Variants in PCDH17 observed in about 807,000 individuals in gnomAD.
PCDH17 encodes the protein protocadherin-17.
PCDH17 carries 21 observed loss-of-function variants against 67.7 expected under a neutral mutation model. That is an observed-to-expected ratio of 0.31 (90% CI 0.22 to 0.45). PCDH17 has a LOEUF of 0.45. Ranked by LOEUF, PCDH17 falls within the 20% of genes least tolerant of loss-of-function variation. The pLI, the probability that PCDH17 is intolerant of heterozygous loss-of-function variation, is 1.00. For missense variants in PCDH17, 1,471 were observed against 1,564.8 expected, an observed-to-expected ratio of 0.94 and a Z score of 1.01; for synonymous variants, 701 against 656.7, an observed-to-expected ratio of 1.07 and a Z score of -1.03.
chr13:57,643,798 C>T (rs1900390), intron 1 of PCDH17, among the ~76,000 whole-genome samples: 1 of 151,570 alleles, frequency 6.6e-6, no homozygotes, highest in Non-Finnish European at 1.5e-5. Flanking sequence ...TTTGTGTGAC[C>T]TTGTGTTATA....
intron 3 of PCDH17, among the ~76,000 whole-genome samples, chr13:57,668,362 T>C (rs986214372): frequency 6.6e-6 from 1 of 152,058 alleles, no homozygotes; most frequent in African/African-American, 2.4e-5. Flanking sequence ...ATGCCTAAAG[T>C]AAGTGAAGAG....
At chr13:57,704,279 T>C (rs894990810) in intron 3 of PCDH17, among the ~76,000 whole-genome samples, 1 of 152,114 alleles carries the variant, frequency 6.6e-6, no homozygotes, top group African/African-American at 2.4e-5. Context: ...TAATGATGAT[T>C]ACATGGCTTA....
intron 1 of PCDH17, among the ~76,000 whole-genome samples, chr13:57,648,734 C>T (rs1954998670): frequency 6.6e-6 from 1 of 151,738 alleles, no homozygotes; most frequent in Non-Finnish European, 1.5e-5. Context: ...TTCATATTAC[C>T]TTAGAGTTAT....
chr13:57,722,009 T>C (rs967918242), intron 3 of PCDH17, among the ~76,000 whole-genome samples: 1 of 152,208 alleles, frequency 6.6e-6, no homozygotes, highest in Non-Finnish European at 1.5e-5. Context: ...TTTTCTTCAC[T>C]GACTGTGAAC....
chr13:57,711,313 G>A (rs1230298104), intron 3 of PCDH17, among the ~76,000 whole-genome samples: 3 of 151,874 alleles, frequency 2.0e-5, no homozygotes, highest in Admixed American at 6.6e-5. Flanking sequence ...TTACCAACAA[G>A]AAACACAGAG....
chr13:57,681,385 T>C (rs922460074), intron 3 of PCDH17, among the ~76,000 whole-genome samples: 1 of 151,856 alleles, frequency 6.6e-6, no homozygotes, highest in Non-Finnish European at 1.5e-5. Context: ...GCACCACCTA[T>C]AGTCATATGA....
rs1444964074 is a variant in PCDH17 at position 57,633,612 on chromosome 13, G to C, written c.1066G>C (p.Val356Leu). ...DNAPSIGFVS[V>L]RQGALSEAAP... ...TGCGCCGTCCATCGGTTTCGTCTCC[G>C]TGCGCCAGGGGGCGCTGAGCGAGGC... is the stretch of plus-strand genomic sequence containing the variant. The change falls in exon 1 of 4, where the codon GTG (valine) becomes CTG (leucine). Residue 356 changes from valine (V) to leucine (L), a missense_variant. By Grantham distance (32) the Val-to-Leu change is conservative. Coordinates refer to ENST00000377918, the MANE Select transcript of PCDH17 (RefSeq NM_001040429.3). The surrounding 1 kb of genome is among the most constrained non-coding windows in gnomAD (Gnocchi z 6.2). 2.5e-6 allele frequency: 4 copies of C among 1,611,814 alleles called. No homozygotes were observed. The highest frequency in any genetic ancestry group is 3.4e-6 in the Non-Finnish European group (4 of 1,180,030).
chr13:57,717,167 G>A (rs974268145), intron 3 of PCDH17, among the ~76,000 whole-genome samples: 1 of 152,002 alleles, frequency 6.6e-6, no homozygotes, highest in African/African-American at 2.4e-5. Context: ...AGCATCTGCC[G>A]CTGCCCCAGG....
At chr13:57,690,681 A>T (rs1228712232) in intron 3 of PCDH17, among the ~76,000 whole-genome samples, 1 of 151,684 alleles carries the variant, frequency 6.6e-6, no homozygotes, top group African/African-American at 2.4e-5. Context: ...TGATGAAAGA[A>T]TACAACTTCT....
chr13:57,698,977 T>C (rs2138072610), intron 3 of PCDH17, among the ~76,000 whole-genome samples: 1 of 152,162 alleles, frequency 6.6e-6, no homozygotes, highest in Non-Finnish European at 1.5e-5. Flanking sequence ...TCAGCCACTC[T>C]GATTCAGTTA....
intron 3 of PCDH17, among the ~76,000 whole-genome samples, chr13:57,678,001 T>A (rs1955411552): frequency 6.6e-6 from 1 of 151,764 alleles, no homozygotes; most frequent in African/African-American, 2.4e-5. Context: ...GCATGGTGAC[T>A]ATGGTTAAAG....
At chr13:57,702,104 G>A (rs975243181) in intron 3 of PCDH17, among the ~76,000 whole-genome samples, 9 of 151,914 alleles carry the variant, frequency 5.9e-5, no homozygotes. Flanking sequence ...TTTTAGTAGA[G>A]ACGGGGTTTC....
chr13:57,717,267 A>G (rs895356086), intron 3 of PCDH17, among the ~76,000 whole-genome samples: 1 of 151,896 alleles, frequency 6.6e-6, no homozygotes, highest in Non-Finnish European at 1.5e-5. Flanking sequence ...GACACAAATG[A>G]TATTTGTGCC....
In PCDH17 at chr13:57,633,263, C is replaced by A; in HGVS notation, c.717C>A (p.Asn239Lys). 1 of 1,613,396 alleles carries A rather than the reference C, an allele frequency of 6.2e-7. No homozygotes were observed. Among genetic ancestry groups the A allele is most frequent in the Non-Finnish European group, 8.5e-7 (1 of 1,180,028 alleles). ...TGAAGGTGATTGACTCCAACGACAA[C>A]AGCCCGGTCTTCGAGGCGCCATCCT... Reference protein sequence around the residue: ...INVKVIDSNDNSPVFEAPSYL... With the variant: ...INVKVIDSNDKSPVFEAPSYL... Residue 239 changes from asparagine (N) to lysine (K), a missense_variant, in exon 1 of 4, where the codon AAC becomes AAA. By Grantham distance (94) the Asn-to-Lys change is moderately conservative. Coordinates refer to ENST00000377918, the MANE Select transcript of PCDH17 (RefSeq NM_001040429.3). This position sits in a 1 kb window ranked among gnomAD's most constrained non-coding sequence, Gnocchi z 6.2.
intron 3 of PCDH17, among the ~76,000 whole-genome samples, chr13:57,711,639 T>C (rs1387285632): frequency 6.6e-6 from 1 of 151,770 alleles, no homozygotes; most frequent in African/African-American, 2.4e-5. Context: ...TATTTTCTAT[T>C]GAATATATAC....
chr13:57,660,244 C>CA (rs1189319794), intron 1 of PCDH17, among the ~76,000 whole-genome samples: 5 of 151,010 alleles, frequency 3.3e-5, no homozygotes, highest in Admixed American at 2.6e-4. Context: ...GACCCTGTCT[C>CA]AAAAAATAAA....
Position 57,633,293 on chromosome 13 carries a change from G to C in PCDH17, c.747G>C (p.Leu249Phe). 2 of 1,613,314 alleles carry C rather than the reference G, an allele frequency of 1.2e-6. No homozygotes were observed. Among genetic ancestry groups the C allele is most frequent in the Non-Finnish European group, 1.7e-6 (2 of 1,180,016 alleles). Reference sequence around the variant, plus strand: ...CGGTCTTCGAGGCGCCATCCTACTTGGTGGAACTGCCCGAGAACGCTCCGC... The same window carrying C: ...CGGTCTTCGAGGCGCCATCCTACTTCGTGGAACTGCCCGAGAACGCTCCGC... ...NSPVFEAPSYLVELPENAPLG... is the reference protein window; with the variant it reads ...NSPVFEAPSYFVELPENAPLG... Residue 249 changes from leucine (L) to phenylalanine (F), a missense_variant, in exon 1 of 4, where the codon TTG (leucine) becomes TTC (phenylalanine). Leu to Phe is a conservative substitution (Grantham distance 22). Transcript: ENST00000377918. The surrounding 1 kb of genome is among the most constrained non-coding windows in gnomAD (Gnocchi z 6.2).
intron 3 of PCDH17, among the ~76,000 whole-genome samples, chr13:57,698,512 A>G (rs1353455616): frequency 6.6e-6 from 1 of 151,956 alleles, no homozygotes; most frequent in Non-Finnish European, 1.5e-5. Flanking sequence ...GGCCGATTTT[A>G]CAATATGGGC....
At chr13:57,719,732 C>A (rs1436887106) in intron 3 of PCDH17, among the ~76,000 whole-genome samples, 1 of 151,984 alleles carries the variant, frequency 6.6e-6, no homozygotes, top group Non-Finnish European at 1.5e-5. Context: ...AGATTCTCTC[C>A]AAAGTAAGAC....
Sources: allele counts gnomAD v4.1 joint callset (sites outside exome capture counted in the v4.1 genomes callset), GRCh38; gene constraint gnomAD v4.1.1; non-coding constraint Gnocchi (gnomAD v3.1); transcripts MANE v1.5; gene names NCBI Gene and HGNC (gene_info 2026-07-23, HGNC 2026-07-21).